Variants in SGCD observed in about 807,000 individuals in gnomAD.
SGCD encodes the protein delta-sarcoglycan.
Under a neutral mutation model 36.6 loss-of-function variants are expected in SGCD, and 18 were observed. The observed-to-expected ratio is 0.49, with a 90% CI of 0.34 to 0.73. The LOEUF (loss-of-function observed/expected upper bound fraction) is 0.73, where lower values mean the gene tolerates loss of function less well. SGCD is among the 30% of genes least tolerant of loss of function. SGCD has a pLI of 0.01. For missense variants in SGCD, 387 were observed against 346.7 expected (o/e 1.12, Z -0.92); for synonymous variants, 133 against 130.6 (o/e 1.02, Z -0.12).
the SGCD span, among the ~76,000 whole-genome samples, chr5:155,849,231 C>A: frequency 6.6e-6 from 1 of 152,084 alleles, no homozygotes; most frequent in African/African-American, 2.4e-5. Context: ...AATTTTTAGA[C>A]GCTAATGTTC....
intron 4 of SGCD, among the ~76,000 whole-genome samples, chr5:156,526,523 A>C (rs1401719703): frequency 6.6e-6 from 1 of 152,154 alleles, no homozygotes; most frequent in East Asian, 1.9e-4. Context: ...CTGGACCATG[A>C]AGTATTGCCT....
At chr5:156,155,085 G>T (rs536477683) in intron 3 of SGCD, among the ~76,000 whole-genome samples, 5 of 151,744 alleles carry the variant, frequency 3.3e-5, no homozygotes, top group African/African-American at 7.3e-5. Flanking sequence ...ATAATCACAG[G>T]ATAATCTATT....
chr5:156,595,088 A>G (rs1273594976), intron 6 of SGCD, 37 bp downstream of exon 6: 1 of 1,585,024 alleles, frequency 6.3e-7, no homozygotes, highest in Non-Finnish European at 8.6e-7. Context: ...GTTTGATGCT[A>G]CTGTGTACAT....
chr5:156,444,855 C>T (rs899346328), intron 3 of SGCD, among the ~76,000 whole-genome samples: 1 of 152,054 alleles, frequency 6.6e-6, no homozygotes, highest in East Asian at 1.9e-4. Context: ...AAGAATGCTC[C>T]ATGTGTTTTT....
At chr5:156,740,007 C>A (rs1378858571) in intron 7 of SGCD, among the ~76,000 whole-genome samples, 3 of 152,192 alleles carry the variant, frequency 2.0e-5, no homozygotes. Context: ...CCCTAGGCCT[C>A]TGCAGTTCCT....
At chr5:156,277,845 G>A (rs1231025847) in intron 3 of SGCD, among the ~76,000 whole-genome samples, 1 of 152,132 alleles carries the variant, frequency 6.6e-6, no homozygotes, top group African/African-American at 2.4e-5. Context: ...TCTCATACTT[G>A]CTATGGATGA....
intron 4 of SGCD, among the ~76,000 whole-genome samples, chr5:156,569,527 G>T (rs185917296): frequency 6.6e-6 from 1 of 151,988 alleles, no homozygotes; most frequent in African/African-American, 2.4e-5. Context: ...CGGAGGCAGA[G>T]GTTGCAGTGA....
chr5:156,209,022 C>T (rs142076019), intron 3 of SGCD, among the ~76,000 whole-genome samples: 123 of 152,168 alleles, frequency 8.1e-4, no homozygotes, highest in African/African-American at 2.8e-3. Context: ...CCTCTTGGGG[C>T]GAGTAGAGGG....
chr5:156,246,818 C>G (rs1765451862), intron 3 of SGCD, among the ~76,000 whole-genome samples: 1 of 152,082 alleles, frequency 6.6e-6, no homozygotes, highest in South Asian at 2.1e-4. Flanking sequence ...GTGCTAGACC[C>G]TAGAAACACT....
At chr5:156,313,483 G>C (rs189135063) in intron 3 of SGCD, among the ~76,000 whole-genome samples, 28 of 152,172 alleles carry the variant, frequency 1.8e-4, no homozygotes, top group African/African-American at 6.3e-4. Flanking sequence ...TGAGTACTTA[G>C]TAAATGTTGG....
intron 7 of SGCD, among the ~76,000 whole-genome samples, chr5:156,655,619 T>C (rs964247279): frequency 6.6e-6 from 1 of 152,166 alleles, no homozygotes; most frequent in Non-Finnish European, 1.5e-5. Context: ...TCAAGTAATG[T>C]TTATTGACTT....
chr5:156,408,504 A>G (rs1026171515), intron 3 of SGCD, among the ~76,000 whole-genome samples: 1 of 151,990 alleles, frequency 6.6e-6, no homozygotes, highest in Admixed American at 6.5e-5. Context: ...GATTACAGGC[A>G]TGTGCCAACA....
chr5:156,433,504 C>T (rs1355866515), intron 3 of SGCD, among the ~76,000 whole-genome samples: 1 of 152,178 alleles, frequency 6.6e-6, no homozygotes, highest in Non-Finnish European at 1.5e-5. Flanking sequence ...TGAGCATTAG[C>T]AAGCCCCTGT....
chr5:156,434,401 G>A (rs1580987602), intron 3 of SGCD, among the ~76,000 whole-genome samples: 1 of 152,174 alleles, frequency 6.6e-6, no homozygotes, highest in East Asian at 1.9e-4. Context: ...ATGATGGTGA[G>A]GCTCCCTCCC....
chr5:155,967,491 G>A (rs1175620307), intron 1 of SGCD, among the ~76,000 whole-genome samples: 3 of 152,016 alleles, frequency 2.0e-5, no homozygotes, highest in Non-Finnish European at 2.9e-5. Context: ...GAGGGTACAA[G>A]CAGTCAGAGG....
chr5:155,757,789 C>G, the SGCD span, among the ~76,000 whole-genome samples: 1 of 152,172 alleles, frequency 6.6e-6, no homozygotes, highest in South Asian at 2.1e-4. Flanking sequence ...TGTCTCCACT[C>G]AAATCTCATC....
At chr5:156,246,433 AG>A (rs906480303) in intron 3 of SGCD, among the ~76,000 whole-genome samples, 8 of 152,154 alleles carry the variant, frequency 5.3e-5, no homozygotes, top group African/African-American at 1.7e-4. Flanking sequence ...CAAAAGAATA[AG>A]GTTATAGATT....
chr5:156,356,960 C>T (rs576795422), intron 3 of SGCD, among the ~76,000 whole-genome samples: 7 of 152,294 alleles, frequency 4.6e-5, no homozygotes, highest in East Asian at 3.9e-4. Context: ...GATAGATTTT[C>T]GTCTAGAGCC....
At chr5:155,840,997 C>T in the SGCD span, among the ~76,000 whole-genome samples, 6 of 112,500 alleles carry the variant, frequency 5.3e-5, no homozygotes, top group African/African-American at 2.2e-4. Context: ...CGTGACAGAG[C>T]GAGACTCCAT....
Sources: allele counts gnomAD v4.1 joint callset (sites outside exome capture counted in the v4.1 genomes callset), GRCh38; gene constraint gnomAD v4.1.1; transcripts MANE v1.5; gene names NCBI Gene and HGNC (gene_info 2026-07-23, HGNC 2026-07-21).